ARL10: variants seen among roughly 807,000 people sequenced by gnomAD.
ARL10 encodes ADP-ribosylation factor-like protein 10.
In ARL10, 23 loss-of-function variants were observed where a neutral mutation model predicts 26.1. The observed-to-expected ratio is 0.88, with a 90% CI of 0.63 to 1.25. The LOEUF (loss-of-function observed/expected upper bound fraction) is 1.25, where lower values mean the gene tolerates loss of function less well. Among genes scored for constraint, ARL10 ranks in the 50% most tolerant of loss-of-function variants. The pLI is 0.00. For synonymous variants in ARL10, 138 were observed against 149.1 expected, an observed-to-expected ratio of 0.93 and a Z score of 0.54; for missense variants, 300 against 323.6, an observed-to-expected ratio of 0.93 and a Z score of 0.56.
At chr5:176,365,816 G>A (rs963135605) in intron 1 of ARL10, 70 bp downstream of exon 1, 3 of 1,228,322 alleles carry the variant, frequency 2.4e-6, no homozygotes, top group Non-Finnish European at 3.0e-6. Flanking sequence ...GTGGCCAAGG[G>A]GTGTGACCAC....
At position 176,368,853 on chromosome 5, in the gene ARL10, C is replaced by G. The variant is rs748846148; in HGVS notation, c.432C>G (p.Ser144Arg). The G allele has an allele frequency of 6.2e-7, 1 of 1,613,888 alleles. No homozygotes were observed. The highest frequency in any genetic ancestry group is 8.5e-7 in the Non-Finnish European group (1 of 1,179,964). ...NLRFYWKEFV[S>R]EVDVLVFVVD... ...GCTTCTACTGGAAGGAGTTTGTGAGCGAGGTGGATGTGCTGGTGTTTGTGG... is the reference window on the plus strand; with the variant it reads ...GCTTCTACTGGAAGGAGTTTGTGAGGGAGGTGGATGTGCTGGTGTTTGTGG... The change falls in exon 3 of 4, where the codon AGC (serine) becomes AGG (arginine). Residue 144 changes from serine to arginine, a missense_variant. Coordinates refer to ENST00000310389, the MANE Select transcript of ARL10 (RefSeq NM_173664.6). This position sits in a 1 kb window ranked among gnomAD's most constrained non-coding sequence, Gnocchi z 4.1.
At chr5:176,390,182 C>CAAAAA (rs60632467), downstream of ARL10, among the ~76,000 whole-genome samples, 112 of 65,124 alleles carry the variant, frequency 1.7e-3, no homozygotes, top group Non-Finnish European at 2.3e-3. Context: ...AACTCCATCT[C>CAAAAA]AAAAAAAAAA....
chr5:176,388,565 C>G (rs1355080334), exon 2 of ARL10: 3 of 1,582,840 alleles, frequency 1.9e-6, no homozygotes, highest in Admixed American at 1.7e-5. Context: ...ACCAGCAGCT[C>G]AAACACGCTG....
chr5:176,384,461 A>G (rs1271929690), downstream of ARL10: 10 of 1,356,326 alleles, frequency 7.4e-6, no homozygotes, highest in African/African-American at 4.4e-5. Flanking sequence ...GCCACTTGCT[A>G]TCTATCCCTG....
chr5:176,405,292 C>T (rs1757045751), downstream of ARL10, among the ~76,000 whole-genome samples: 1 of 151,952 alleles, frequency 6.6e-6, no homozygotes, highest in African/African-American at 2.4e-5. Flanking sequence ...AGCTCGAGAC[C>T]AGCCTGGCCA....
rs899712713 is a variant in ARL10 at position 176,375,382 on chromosome 5, G to A, written c.*3487G>A. On this transcript the variant is annotated 3_prime_UTR_variant, in exon 4 of 4. Coordinates refer to ENST00000310389, the MANE Select transcript of ARL10 (RefSeq NM_173664.6). ...ATCCATCCATCTGTGGCTTCTACCTGTGCGAATCTCTGTGCTACAAAATTC... is the reference window on the plus strand; with the variant it reads ...ATCCATCCATCTGTGGCTTCTACCTATGCGAATCTCTGTGCTACAAAATTC... The A allele has an allele frequency of 6.6e-6, 1 of 150,874 alleles. No individual in the cohort carries two copies. The highest frequency in any genetic ancestry group is 1.5e-5 in the Non-Finnish European group (1 of 67,866). The allele number at this position is 150,874 out of a possible 1,614,324, so 9.3% of individuals were successfully genotyped here.
chr5:176,399,092 C>T (rs1405959515), intron 1 of ARL10, among the ~76,000 whole-genome samples: 1 of 152,140 alleles, frequency 6.6e-6, no homozygotes, highest in Non-Finnish European at 1.5e-5. Context: ...GATCCACCGG[C>T]CTCGGCCTCC....
chr5:176,403,347 GC>G (rs140939844), downstream of ARL10, among the ~76,000 whole-genome samples: 3,897 of 151,866 alleles, frequency 0.026, 58 homozygotes, highest in Middle Eastern at 0.061. Flanking sequence ...ACTGCGCCTG[GC>G]CAAGCCTGCC....
In ARL10 at chr5:176,376,471, G is replaced by C. The variant is rs757646997; in HGVS notation, c.*4576G>C. The C allele has an allele frequency of 2.6e-5, 4 of 151,596 alleles. No individual in the cohort carries two copies. The highest frequency in any genetic ancestry group is 2.1e-4 in the South Asian group (1 of 4,792). The allele number at this position is 151,596 out of a possible 1,614,324, so 9.4% of individuals were successfully genotyped here. ...CATTAATGGAATCGTTTCCTGATTTGAGCGTTAAGTCACAAACCCAACAGG... is the reference window on the plus strand; with the variant it reads ...CATTAATGGAATCGTTTCCTGATTTCAGCGTTAAGTCACAAACCCAACAGG... On this transcript the variant is annotated 3_prime_UTR_variant, in exon 4 of 4. Coordinates refer to ENST00000310389, the MANE Select transcript of ARL10 (RefSeq NM_173664.6).
chr5:176,388,146 G>C, intron 1 of ARL10: 1 of 970,792 alleles, frequency 1.0e-6, no homozygotes, highest in Non-Finnish European at 1.6e-6. Context: ...CTGAGGGAAG[G>C]AATGGGCAGT....
chr5:176,386,979 C>T, intron 1 of ARL10: 5 of 1,331,160 alleles, frequency 3.8e-6, no homozygotes, highest in Non-Finnish European at 4.3e-6. Context: ...CCTGCTTATC[C>T]CAACACAACT....
downstream of ARL10, chr5:176,385,001 A>AT (rs911554433): frequency 1.0e-5 from 6 of 579,822 alleles, no homozygotes; most frequent in African/African-American, 1.1e-4. Flanking sequence ...CGAGCAAAAC[A>AT]TTTATCTGTG....
chr5:176,411,999 AC>A, the ARL10 span, among the ~76,000 whole-genome samples: 5 of 151,518 alleles, frequency 3.3e-5, no homozygotes, highest in Admixed American at 3.3e-4. Flanking sequence ...ACACGGTGAA[AC>A]CCCGTCTCTA....
chr5:176,412,174 CA>C, the ARL10 span, among the ~76,000 whole-genome samples: 3,587 of 82,368 alleles, frequency 0.044, 46 homozygotes, highest in African/African-American at 0.066. Context: ...AGACTCATCT[CA>C]AAAAAAAAAA....
Position 176,377,442 on chromosome 5 carries a change from TA to T in ARL10, c.*5549del, listed in dbSNP as rs987253817. The T allele has an allele frequency of 1.3e-5, 2 of 152,206 alleles. No homozygotes were observed. The highest frequency in any genetic ancestry group is 4.8e-5 in the African/African-American group (2 of 41,448). The allele number at this position is 152,206 out of a possible 1,614,324, so 9.4% of individuals were successfully genotyped here. On this transcript the variant is annotated 3_prime_UTR_variant, in exon 4 of 4. Transcript: ENST00000310389. The surrounding 1 kb of genome is among the most constrained non-coding windows in gnomAD (Gnocchi z 4.5). ...CCCATAAAGGAAACACATGTTCTTA[TA>T]ACTCCTTAGCTACTGCCATAGCATC...
downstream of ARL10, chr5:176,392,932 C>G: frequency 6.2e-7 from 1 of 1,614,164 alleles, no homozygotes; most frequent in Non-Finnish European, 8.5e-7. The surrounding 1 kb of genome is among the most constrained non-coding windows in gnomAD (Gnocchi z 5.2). Context: ...TTCACGAAAG[C>G]CTCCTCGGAT....
At chr5:176,412,976 CCA>C in the ARL10 span, among the ~76,000 whole-genome samples, 16 of 151,366 alleles carry the variant, frequency 1.1e-4, no homozygotes. Context: ...CTGACCAACC[CCA>C]GTCTCAGACC....
Position 176,366,386 on chromosome 5 carries a change from G to GT in ARL10, c.190_191insT (p.Asp64ValfsTer60), listed in dbSNP as rs1320298116. On this transcript the variant is annotated frameshift_variant, in exon 2 of 4. Transcript: ENST00000310389. LOFTEE classifies it high-confidence loss of function. ...TACCTCCGCTTCCCCGCAGCCCGAGGACGAGGAGGACGAGGAGCCGGCGCT... is the reference window on the plus strand; with the variant it reads ...TACCTCCGCTTCCCCGCAGCCCGAGGTACGAGGAGGACGAGGAGCCGGCGCT... The GT allele has an allele frequency of 3.1e-6, 5 of 1,608,222 alleles. No homozygotes were observed.
downstream of ARL10, among the ~76,000 whole-genome samples, chr5:176,392,188 C>T (rs911522118): frequency 6.6e-6 from 1 of 152,202 alleles, no homozygotes; most frequent in African/African-American, 2.4e-5. The surrounding 1 kb of genome is among the most constrained non-coding windows in gnomAD (Gnocchi z 5.2). Flanking sequence ...TCGCTTTTCC[C>T]TCCCACTACA....
Sources: gnomAD v4.1 joint callset for allele counts (sites outside exome capture counted in the v4.1 genomes callset) on GRCh38, gnomAD v4.1.1 for gene constraint, Gnocchi (gnomAD v3.1) non-coding constraint, MANE v1.5 for transcripts, NCBI Gene and HGNC (gene_info 2026-07-23, HGNC 2026-07-21) for gene names.